AVEN: variants seen among roughly 807,000 people sequenced by gnomAD.
The protein encoded by AVEN is apoptosis and caspase activation inhibitor.
A neutral mutation model predicts 38.1 loss-of-function variants in AVEN; 41 were observed. That is an observed-to-expected ratio of 1.08 (90% CI 0.84 to 1.40). AVEN has a LOEUF of 1.40. AVEN is among the 40% of genes most tolerant of loss of function. The pLI is 0.00. For missense variants in AVEN, 605 were observed against 438.8 expected (o/e 1.38, Z -3.38); for synonymous variants, 206 against 171.8 (o/e 1.20, Z -1.56).
intron 2 of AVEN, among the ~76,000 whole-genome samples, chr15:33,923,777 A>G (rs1333909084): frequency 2.0e-5 from 3 of 151,870 alleles, no homozygotes. Flanking sequence ...GCAAAGCTTC[A>G]TCTGTATTTA....
At chr15:33,898,006 G>A (rs536014954) in intron 2 of AVEN, among the ~76,000 whole-genome samples, 2 of 152,248 alleles carry the variant, frequency 1.3e-5, no homozygotes, top group African/African-American at 4.8e-5. Flanking sequence ...TGGCTAACAC[G>A]GTGAAACCCC....
At chr15:33,897,630 C>A (rs1397995952) in intron 2 of AVEN, among the ~76,000 whole-genome samples, 1 of 152,102 alleles carries the variant, frequency 6.6e-6, no homozygotes, top group Non-Finnish European at 1.5e-5. Flanking sequence ...ATAATCCCAG[C>A]ACTTTGGGAG....
At chr15:33,983,211 T>TATAC (rs1555512814) in intron 2 of AVEN, among the ~76,000 whole-genome samples, 1 of 14,528 alleles carries the variant, frequency 6.9e-5, no homozygotes, top group Non-Finnish European at 1.5e-4. Context: ...TATATATATA[T>TATAC]ATACATATAT....
intron 2 of AVEN, among the ~76,000 whole-genome samples, chr15:33,923,048 T>C (rs1313444432): frequency 2.0e-5 from 3 of 152,208 alleles, no homozygotes; most frequent in Admixed American, 1.3e-4. Flanking sequence ...TAACCTGATT[T>C]AGAACACATA....
downstream of AVEN, among the ~76,000 whole-genome samples, chr15:33,855,709 A>G (rs367860716): frequency 4.6e-5 from 7 of 152,172 alleles, no homozygotes; most frequent in South Asian, 1.4e-3. Flanking sequence ...TGTTATACAC[A>G]TAGTACACAT....
intron 5 of AVEN, 34 bp downstream of exon 5, chr15:33,867,461 T>A: frequency 6.5e-7 from 1 of 1,537,290 alleles, no homozygotes; most frequent in South Asian, 1.3e-5. Flanking sequence ...AACACCAGAA[T>A]CAAGATTCAC....
Position 34,038,911 on chromosome 15 carries a change from CCCCGCCGCCG to C in AVEN, c.126_135del (p.Gly43ThrfsTer164). 9.0e-7 allele frequency: 1 copy of C among 1,112,424 alleles called. No individual in the cohort carries two copies. Among genetic ancestry groups the C allele is most frequent in the Non-Finnish European group, 1.1e-6 (1 of 916,974 alleles). 68.9% of individuals were successfully genotyped at this position (1,112,424 alleles called of 1,614,324 possible). A position where few individuals can be genotyped will look rare whatever the true frequency, so the allele number is the denominator to read the frequency against. ...CCACGGCCCCGGCGTCCGCCTCCGT[CCCCGCCGCCG>C]CCTCCGCCGCCGCCTCTGGCTACCG... On this transcript the variant is annotated frameshift_variant, in exon 1 of 6. Transcript: ENST00000306730. LOFTEE classifies it high-confidence loss of function.
chr15:34,035,175 C>G (rs1246670718), intron 1 of AVEN, among the ~76,000 whole-genome samples: 1 of 152,158 alleles, frequency 6.6e-6, no homozygotes, highest in African/African-American at 2.4e-5. Flanking sequence ...AAAGTTTGAT[C>G]AGAATTAAAT....
intron 2 of AVEN, chr15:34,067,044 G>A (rs925534953): frequency 6.6e-6 from 1 of 152,198 alleles, no homozygotes; most frequent in Admixed American, 6.5e-5. Context: ...CGCATGGCCT[G>A]ACTTGAGATC....
intron 1 of AVEN, among the ~76,000 whole-genome samples, chr15:34,008,790 T>C (rs984458515): frequency 3.3e-5 from 5 of 152,118 alleles, no homozygotes; most frequent in African/African-American, 4.8e-5. Flanking sequence ...GCCTAGCCGA[T>C]GAAAAACCTT....
chr15:34,033,034 C>T (rs192125059), intron 1 of AVEN, among the ~76,000 whole-genome samples: 55 of 152,248 alleles, frequency 3.6e-4, no homozygotes, highest in African/African-American at 1.3e-3. Context: ...CCAACATTCC[C>T]ATCTACCTAT....
chr15:34,051,226 C>A (rs1200169026), intron 5 of AVEN, among the ~76,000 whole-genome samples: 4 of 152,192 alleles, frequency 2.6e-5, no homozygotes, highest in African/African-American at 9.7e-5. Context: ...GGAAACTGAA[C>A]AACCTACTCC....
chr15:34,075,169 G>A (rs1239715549), upstream of AVEN, among the ~76,000 whole-genome samples: 6 of 129,256 alleles, frequency 4.6e-5, no homozygotes, highest in African/African-American at 1.2e-4. Flanking sequence ...GCAAAAGAGC[G>A]AGACTCTGGC....
chr15:33,871,076 G>A (rs776619563), intron 3 of AVEN, 46 bp from the exon 4 acceptor site: 12 of 1,198,936 alleles, frequency 1.0e-5, no homozygotes, highest in Non-Finnish European at 1.3e-5. Flanking sequence ...TGATGATTAT[G>A]ACCTTTTGGA....
intron 1 of AVEN, among the ~76,000 whole-genome samples, chr15:34,036,976 G>T (rs1899159518): frequency 6.6e-6 from 1 of 152,042 alleles, no homozygotes; most frequent in Admixed American, 6.6e-5. Flanking sequence ...GGGCAAGGTG[G>T]CTCATGCCTG....
intron 5 of AVEN, among the ~76,000 whole-genome samples, chr15:33,867,101 G>A (rs1051955502): frequency 6.6e-6 from 1 of 152,202 alleles, no homozygotes; most frequent in Non-Finnish European, 1.5e-5. Context: ...AAATCAGAAT[G>A]TGGTGTTCTT....
In AVEN at chr15:33,916,523, C is replaced by T. The variant is rs563979020; in HGVS notation, c.446-40528G>A. On this transcript the variant is annotated intron_variant, in intron 2 of 5. Coordinates refer to ENST00000306730, the MANE Select transcript of AVEN (RefSeq NM_020371.3). ...ACAAAGAATCCCATCAAAAAGTGGG[C>T]TAAGGACATGAATAGACAATTTTCA... is the stretch of plus-strand genomic sequence containing the variant. Among the ~76,000 whole-genome samples the T allele has an allele frequency of 9.2e-5, 14 of 152,150 alleles. 1 individual carries two copies. In the South Asian group the frequency reaches 2.7e-3, roughly 29 times the overall value.
chr15:33,987,946 C>T (rs1374888659), intron 2 of AVEN, among the ~76,000 whole-genome samples: 1 of 152,222 alleles, frequency 6.6e-6, no homozygotes, highest in Non-Finnish European at 1.5e-5. Flanking sequence ...TTCTCTGTGA[C>T]TGTCTACACA....
chr15:33,902,649 C>T (rs185218917), intron 2 of AVEN, among the ~76,000 whole-genome samples: 14 of 152,234 alleles, frequency 9.2e-5, no homozygotes, highest in East Asian at 5.8e-4. Context: ...TGATTTTATA[C>T]GTAGAAAACC....
Sources: gnomAD v4.1 joint callset for allele counts (sites outside exome capture counted in the v4.1 genomes callset) on GRCh38, gnomAD v4.1.1 for gene constraint, MANE v1.5 for transcripts, NCBI Gene and HGNC (gene_info 2026-07-23, HGNC 2026-07-21) for gene names.